Variants in MKNK2 observed in about 807,000 individuals in gnomAD.
MKNK2 encodes MAPK interacting serine/threonine kinase 2.
Under a neutral mutation model 55.0 loss-of-function variants are expected in MKNK2, and 54 were observed. The ratio of observed to expected loss-of-function variants is 0.98; its 90% CI spans 0.79 to 1.23. The LOEUF (loss-of-function observed/expected upper bound fraction) is 1.23, where lower values mean the gene tolerates loss of function less well. Ranked by LOEUF, MKNK2 falls within the 50% of genes most tolerant of loss-of-function variation. The probability of loss-of-function intolerance (pLI) is 0.00; values close to 1 mark genes in which losing one functional copy is unlikely to be tolerated. For synonymous variants in MKNK2, 323 were observed against 256.0 expected, an observed-to-expected ratio of 1.26 and a Z score of -2.50; for missense variants, 685 against 632.1, an observed-to-expected ratio of 1.08 and a Z score of -0.90.
chr19:2,046,159 G>C, intron 5 of MKNK2, 27 bp downstream of exon 5: 1 of 1,602,220 alleles, frequency 6.2e-7, no homozygotes, highest in Non-Finnish European at 8.5e-7. Context: ...AAGGCGCTGG[G>C]TTCCCCAGGG....
At chr19:2,046,046 G>C in intron 5 of MKNK2, 140 bp downstream of exon 5, 1 of 793,936 alleles carries the variant, frequency 1.3e-6, no homozygotes, top group African/African-American at 1.7e-5. Flanking sequence ...TTCCCGACTG[G>C]ACTCAGGGCC....
intron 8 of MKNK2, 36 bp downstream of exon 8, chr19:2,042,730 C>T (rs1345020036): frequency 7.1e-6 from 11 of 1,546,884 alleles, no homozygotes; most frequent in African/African-American, 5.4e-5. Flanking sequence ...CCTTGGCAGG[C>T]GGCCCTAGGA....
chr19:2,041,271 G>A, intron 11 of MKNK2, 67 bp from the exon 12 acceptor site: 1 of 1,527,432 alleles, frequency 6.5e-7, no homozygotes, highest in Non-Finnish European at 8.9e-7. Context: ...ACTGACACGT[G>A]GCTCCAACCG....
At chr19:2,042,177 C>T in intron 10 of MKNK2, 143 bp from the exon 11 acceptor site, 5 of 810,292 alleles carry the variant, frequency 6.2e-6, no homozygotes, top group Non-Finnish European at 7.1e-6. Flanking sequence ...CGGGAACGCG[C>T]CCCCGCCCAA....
chr19:2,047,286 T>C (rs1254899587), intron 2 of MKNK2, among the ~76,000 whole-genome samples: 1 of 152,102 alleles, frequency 6.6e-6, no homozygotes, highest in African/African-American at 2.4e-5. Flanking sequence ...GCAGGGGTGC[T>C]GCTCAGCACC....
At chr19:2,050,199 G>A (rs1427960848) in intron 2 of MKNK2, among the ~76,000 whole-genome samples, 1 of 152,190 alleles carries the variant, frequency 6.6e-6, no homozygotes, top group Non-Finnish European at 1.5e-5. Flanking sequence ...TTCCCGCTCC[G>A]ACAGGAAACA....
At chr19:2,041,706 T>G (rs2145685674) in intron 11 of MKNK2, 134 bp downstream of exon 11, 31 of 638,372 alleles carry the variant, frequency 4.9e-5, no homozygotes, top group Non-Finnish European at 6.7e-5. Flanking sequence ...TCCCCGAGGG[T>G]TAGGGGGTGG....
chr19:2,042,074 G>A (rs572461558), intron 10 of MKNK2, 40 bp from the exon 11 acceptor site: 6 of 1,440,562 alleles, frequency 4.2e-6, no homozygotes, highest in African/African-American at 1.5e-5. Flanking sequence ...GGGTTTCCCA[G>A]CATTACGTGG....
At chr19:2,040,463 C>T in intron 12 of MKNK2, 1 of 448,852 alleles carries the variant, frequency 2.2e-6, no homozygotes, top group Non-Finnish European at 4.0e-6. Context: ...TCTCTCCCGG[C>T]TGTTCCCAGC....
chr19:2,045,806 G>A (rs8103466), intron 5 of MKNK2, among the ~76,000 whole-genome samples: 52,604 of 152,164 alleles, frequency 0.35, 9,853 homozygotes, highest in East Asian at 0.51. Flanking sequence ...TCCAGCAGCC[G>A]CCCAGGGCTA....
rs140693851 is a variant in MKNK2, at chr19:2,039,747, C to T, written c.1264G>A (p.Gly422Ser). 2,065 of 1,609,900 alleles carry T rather than the reference C, an allele frequency of 1.3e-3. 3 individuals carry two copies. The highest frequency in any genetic ancestry group is 4.1e-3 in the Middle Eastern group (25 of 6,056). ...GTAGCTCGGACCAGGACGGGCTGGC[C>T]CTGCCCCGCGGCCTCCTCCTCAGCC... is the stretch of plus-strand genomic sequence containing the variant. ...DLAEEEAAGQ[G>S]QPVLVRATSR... is the part of the protein sequence containing the mutation. Residue 422 changes from glycine to serine, a missense_variant, in exon 14 of 14, where the codon GGC (glycine) becomes AGC (serine). Physicochemically the swap from Gly to Ser is moderately conservative, Grantham distance 56. Coordinates refer to ENST00000250896, the MANE Select transcript of MKNK2 (RefSeq NM_199054.3).
At position 2,038,138 on chromosome 19, in the gene MKNK2, T is replaced by C. The variant is rs72981418; in HGVS notation, c.*1475A>G. ...CCGGACTGTGACCATCATACGAGAT[T>C]CAGGAGGGGCAGCAGGGCCAGGCAG... is the stretch of plus-strand genomic sequence containing the variant. On this transcript the variant is annotated 3_prime_UTR_variant, in exon 14 of 14. Transcript: ENST00000250896. The C allele has an allele frequency of 0.058, 61,014 of 1,057,314 alleles. 1,838 individuals are homozygous for C. The highest frequency in any genetic ancestry group is 0.11 in the Middle Eastern group (252 of 2,306). The allele number at this position is 1,057,314 out of a possible 1,614,324, so 65.5% of individuals were successfully genotyped here.
intron 7 of MKNK2, 89 bp downstream of exon 7, chr19:2,043,035 A>ACAAGCCCC (rs1249717385): frequency 1.5e-5 from 20 of 1,326,486 alleles, no homozygotes; most frequent in Non-Finnish European, 2.0e-5. Context: ...CACTCACCCC[A>ACAAGCCCC]CAAGCCCCCT....
At chr19:2,040,763 G>A (rs1432651222) in intron 12 of MKNK2, 9 of 493,922 alleles carry the variant, frequency 1.8e-5, no homozygotes, top group Admixed American at 1.4e-4. Flanking sequence ...TGCCCGCTTC[G>A]CTCCAGCCTG....
In MKNK2 at chr19:2,046,240, A is replaced by C; in HGVS notation, c.285T>G (p.His95Gln). ...LQEDVLGEGA[H>Q]ARVQTCINLI... ...GGTTGATGCAGGTCTGCACTCGGGCATGAGCGCCCTCCCCCAGCACATCTT... is the reference window on the plus strand; with the variant it reads ...GGTTGATGCAGGTCTGCACTCGGGCCTGAGCGCCCTCCCCCAGCACATCTT... The change falls in exon 5 of 14, where the codon CAT becomes CAG. Residue 95 changes from histidine to glutamine, a missense_variant. His to Gln is a conservative substitution (Grantham distance 24). Coordinates refer to ENST00000250896, the MANE Select transcript of MKNK2 (RefSeq NM_199054.3). The C allele has an allele frequency of 6.2e-7, 1 of 1,606,876 alleles. No homozygotes were observed. The highest frequency in any genetic ancestry group is 8.5e-7 in the Non-Finnish European group (1 of 1,179,930).
chr19:2,048,458 C>T (rs953879024), intron 2 of MKNK2, among the ~76,000 whole-genome samples: 3 of 152,122 alleles, frequency 2.0e-5, no homozygotes, highest in African/African-American at 4.8e-5. Context: ...CCTTGTACCA[C>T]TGAGCTCTCA....
Position 2,043,484 on chromosome 19 carries a change from G to C in MKNK2, c.419+19C>G. On this transcript the variant is annotated intron_variant, in intron 6 of 13. Coordinates refer to ENST00000250896, the MANE Select transcript of MKNK2 (RefSeq NM_199054.3). ...AAAGACAGCTCAGGCCAGTGCGGTGGCAAGGGTGGCTCACCTACCTGTGTC... is the reference window on the plus strand; with the variant it reads ...AAAGACAGCTCAGGCCAGTGCGGTGCCAAGGGTGGCTCACCTACCTGTGTC... The C allele has an allele frequency of 6.2e-7, 1 of 1,610,098 alleles. No individual in the cohort carries two copies.
At position 2,042,745 on chromosome 19, in the gene MKNK2, C is replaced by G. The variant is rs200707721; in HGVS notation, c.598+21G>C. On this transcript the variant is annotated intron_variant, in intron 8 of 13. Transcript: ENST00000250896. Reference sequence around the variant, plus strand: ...CCTTGGCAGGCGGCCCTAGGAGACTCCGGGCGGGGTCACCACCTACCTTTG... The same window carrying G: ...CCTTGGCAGGCGGCCCTAGGAGACTGCGGGCGGGGTCACCACCTACCTTTG... 385 of 1,555,200 alleles carry G rather than the reference C, an allele frequency of 2.5e-4. 9 individuals carry two copies. The East Asian group carries it at 4.6e-3, about 18-fold the overall frequency.
chr19:2,042,845 C>A lies in MKNK2; in HGVS notation c.519G>T (p.Lys173Asn). 1 of 1,572,806 alleles carries A rather than the reference C, an allele frequency of 6.4e-7. No homozygotes were observed. The part of the protein sequence containing the change: ...RGGSILSHIH[K>N]RRHFNELEAS... Reference sequence around the variant, plus strand: ...CCTCCAGCTCGTTGAAGTGCCGGCGCTTGTGGATGTGGCTCAGGATGGAGC... The same window carrying A: ...CCTCCAGCTCGTTGAAGTGCCGGCGATTGTGGATGTGGCTCAGGATGGAGC... The change falls in exon 8 of 14, where the codon AAG (lysine) becomes AAT (asparagine). Residue 173 changes from lysine (K) to asparagine (N), a missense_variant. Lys to Asn is a moderately conservative substitution (Grantham distance 94, BLOSUM62 0). Transcript: ENST00000250896.
Sources: allele counts gnomAD v4.1 joint callset (sites outside exome capture counted in the v4.1 genomes callset), GRCh38; gene constraint gnomAD v4.1.1; transcripts MANE v1.5; gene names NCBI Gene and HGNC (gene_info 2026-07-23, HGNC 2026-07-21).